PCDH11X: variants seen among roughly 807,000 people sequenced by gnomAD.
PCDH11X encodes the protein protocadherin 11 X-linked.
In PCDH11X, 18 loss-of-function variants were observed where a neutral mutation model predicts 53.3. The ratio of observed to expected loss-of-function variants is 0.34; its 90% CI spans 0.23 to 0.50. PCDH11X has a LOEUF of 0.50. PCDH11X is among the 20% of genes least tolerant of loss of function. The pLI, the probability that PCDH11X is intolerant of heterozygous loss-of-function variation, is 0.98. For synonymous variants in PCDH11X, 279 were observed against 393.3 expected (o/e 0.71, Z 3.44); for missense variants, 570 against 1,032.4 (o/e 0.55, Z 6.14).
intron 6 of PCDH11X, among the ~76,000 whole-genome samples, chrX:92,011,676 C>CCATTT (rs1373687884): frequency 9.0e-6 from 1 of 110,881 alleles, no homozygotes; most frequent in African/African-American, 3.3e-5. Context: ...ATGTCATTTC[C>CCATTT]CATTTTCCCA....
At chrX:92,482,279 T>C (rs1267413032) in intron 10 of PCDH11X, among the ~76,000 whole-genome samples, 2 of 111,306 alleles carry the variant, frequency 1.8e-5, no homozygotes, top group East Asian at 5.6e-4. Flanking sequence ...TTTTCCATTA[T>C]TTTTTTTTCT....
intron 7 of PCDH11X, among the ~76,000 whole-genome samples, chrX:92,215,962 T>A (rs1194058921): frequency 7.2e-5 from 8 of 111,062 alleles, no homozygotes; most frequent in Non-Finnish European, 1.3e-4. Context: ...AGTGGACCTC[T>A]AGCAAACTCC....
At chrX:91,782,985 C>T (rs764281522) in intron 1 of PCDH11X, among the ~76,000 whole-genome samples, 188 of 111,503 alleles carry the variant, frequency 1.7e-3, no homozygotes, top group African/African-American at 5.9e-3. Flanking sequence ...AGGCAACTGG[C>T]GCCTGGAGCA....
intron 10 of PCDH11X, among the ~76,000 whole-genome samples, chrX:92,529,760 T>G (rs1231403997): frequency 3.2e-4 from 34 of 107,257 alleles, no homozygotes; most frequent in Non-Finnish European, 1.9e-5. Context: ...TAAAAATAAA[T>G]AAATAAAGGT....
chrX:92,182,664 G>A lies in PCDH11X; in HGVS notation c.3034-18711G>A, dbSNP rs755559536. ...AAGTCTCAAGACATCTGATGGTTTTGTAAGAGGAGTTCCTCTGTGCAAGCT... is the reference window on the plus strand; with the variant it reads ...AAGTCTCAAGACATCTGATGGTTTTATAAGAGGAGTTCCTCTGTGCAAGCT... On this transcript the variant is annotated intron_variant, in intron 6 of 10. Coordinates refer to ENST00000682573, the MANE Select transcript of PCDH11X (RefSeq NM_032968.5). 1.3e-4 allele frequency among the ~76,000 whole-genome samples: 15 copies of A among 111,717 alleles called. 1 individual carries two copies. The highest frequency in any genetic ancestry group is 6.5e-5 in the African/African-American group (2 of 30,712).
intron 10 of PCDH11X, among the ~76,000 whole-genome samples, chrX:92,617,871 C>G (rs1364972891): frequency 9.0e-6 from 1 of 110,834 alleles, no homozygotes; most frequent in East Asian, 2.8e-4. Context: ...ATAATTAGTT[C>G]ATTATATATT....
chrX:91,805,043 T>C (rs1936053631), intron 1 of PCDH11X, among the ~76,000 whole-genome samples: 1 of 102,284 alleles, frequency 9.8e-6, no homozygotes, highest in Non-Finnish European at 2.0e-5. Context: ...ACAATGAATA[T>C]ACCACACTTT....
chrX:92,316,339 T>C (rs1458374294), intron 8 of PCDH11X, among the ~76,000 whole-genome samples: 32 of 111,105 alleles, frequency 2.9e-4, no homozygotes, highest in Non-Finnish European at 5.3e-4. Flanking sequence ...CTGAGAAATG[T>C]AGTGATCTCT....
chrX:91,903,082 C>A (rs1460551698), intron 6 of PCDH11X, among the ~76,000 whole-genome samples: 1 of 111,290 alleles, frequency 9.0e-6, no homozygotes, highest in Non-Finnish European at 1.9e-5. Context: ...ATATGTCACA[C>A]AAATACTATT....
At chrX:92,062,080 T>C (rs1184310529) in intron 6 of PCDH11X, among the ~76,000 whole-genome samples, 1 of 111,225 alleles carries the variant, frequency 9.0e-6, no homozygotes, top group East Asian at 2.8e-4. Context: ...TTTATGCCTA[T>C]TATAAATAGG....
intron 6 of PCDH11X, among the ~76,000 whole-genome samples, chrX:92,020,087 G>A (rs1316001300): frequency 1.8e-5 from 2 of 112,557 alleles, no homozygotes; most frequent in Non-Finnish European, 3.8e-5. Flanking sequence ...CCACTCGTGA[G>A]CCCATGCCAC....
intron 6 of PCDH11X, among the ~76,000 whole-genome samples, chrX:91,890,903 G>T (rs1940447602): frequency 9.2e-6 from 1 of 108,464 alleles, no homozygotes; most frequent in Admixed American, 1.0e-4. Flanking sequence ...GCTCAGTGAG[G>T]ACTTTGGACT....
At chrX:92,297,061 G>A (rs1297207118) in intron 8 of PCDH11X, among the ~76,000 whole-genome samples, 1 of 85,882 alleles carries the variant, frequency 1.2e-5, no homozygotes, top group Non-Finnish European at 2.2e-5. Context: ...TTTGTTGGAT[G>A]CATTGTTTGC....
chrX:92,278,915 G>A (rs1162058892), intron 8 of PCDH11X, among the ~76,000 whole-genome samples: 3 of 105,789 alleles, frequency 2.8e-5, no homozygotes, highest in Admixed American at 2.1e-4. Flanking sequence ...GGGTTCAAGC[G>A]AGTCTCCTGC....
At chrX:92,255,082 C>G (rs1161015168) in intron 7 of PCDH11X, among the ~76,000 whole-genome samples, 2 of 102,917 alleles carry the variant, frequency 1.9e-5, no homozygotes, top group African/African-American at 7.2e-5. Flanking sequence ...GTACACCAAT[C>G]AGACGTAGAT....
intron 6 of PCDH11X, among the ~76,000 whole-genome samples, chrX:91,949,347 A>G (rs924974668): frequency 9.3e-6 from 1 of 107,332 alleles, no homozygotes; most frequent in African/African-American, 3.5e-5. Flanking sequence ...GGAGGCAGAT[A>G]TAGAGGGAAA....
At chrX:91,784,167 A>G (rs1192252128) in intron 1 of PCDH11X, among the ~76,000 whole-genome samples, 1 of 112,248 alleles carries the variant, frequency 8.9e-6, no homozygotes, top group East Asian at 2.8e-4. Flanking sequence ...AGTAACAACA[A>G]CAAAATAGCC....
At chrX:92,324,701 G>T (rs1401784398) in intron 8 of PCDH11X, among the ~76,000 whole-genome samples, 1 of 96,109 alleles carries the variant, frequency 1.0e-5, no homozygotes, top group East Asian at 3.3e-4. Flanking sequence ...TTATTTTCAG[G>T]GGTACATGTG....
chrX:91,848,201 T>G (rs1207800430), intron 5 of PCDH11X, among the ~76,000 whole-genome samples: 3 of 98,554 alleles, frequency 3.0e-5, no homozygotes, highest in Non-Finnish European at 6.5e-5. Flanking sequence ...GAATTTTTTT[T>G]TTGTTTTTTT....
Sources: allele counts gnomAD v4.1 joint callset (sites outside exome capture counted in the v4.1 genomes callset), GRCh38; gene constraint gnomAD v4.1.1; transcripts MANE v1.5; gene names NCBI Gene and HGNC (gene_info 2026-07-23, HGNC 2026-07-21).